Variants in PAPPA observed in about 807,000 individuals in gnomAD.
PAPPA encodes the protein pappalysin 1.
Under a neutral mutation model 164.0 loss-of-function variants are expected in PAPPA, and 60 were observed. That is an observed-to-expected ratio of 0.37 (90% CI 0.30 to 0.45). The LOEUF (loss-of-function observed/expected upper bound fraction) is 0.45, where lower values mean the gene tolerates loss of function less well. PAPPA is among the 20% of genes least tolerant of loss of function. The pLI is 1.00. For missense variants in PAPPA, 1,782 were observed against 2,087.3 expected (o/e 0.85, Z 2.85); for synonymous variants, 875 against 814.1 (o/e 1.07, Z -1.27).
At chr9:116,380,303 T>TGGATGGATGGAC (rs924428033) in intron 20 of PAPPA, among the ~76,000 whole-genome samples, 2 of 151,922 alleles carry the variant, frequency 1.3e-5, no homozygotes, top group East Asian at 3.9e-4. Flanking sequence ...AATGGATGGA[T>TGGATGGATGGAC]GGATGGATGG....
intron 10 of PAPPA, among the ~76,000 whole-genome samples, chr9:116,314,509 C>T (rs781634732): frequency 1.2e-4 from 19 of 152,202 alleles, no homozygotes; most frequent in East Asian, 3.9e-4. Context: ...TCATATTCTC[C>T]GTATTCACAA....
intron 10 of PAPPA, among the ~76,000 whole-genome samples, chr9:116,310,244 T>C (rs1845699690): frequency 6.6e-6 from 1 of 152,074 alleles, no homozygotes; most frequent in South Asian, 2.1e-4. Context: ...TCTCCTCTCA[T>C]TAGTGAAATG....
At chr9:116,209,940 C>A (rs1378297882) in intron 3 of PAPPA, among the ~76,000 whole-genome samples, 2 of 152,164 alleles carry the variant, frequency 1.3e-5, no homozygotes, top group Non-Finnish European at 2.9e-5. Flanking sequence ...CTGCCCTCTC[C>A]CCATCCCAAG....
chr9:116,381,361 T>C (rs745480649), intron 20 of PAPPA, among the ~76,000 whole-genome samples: 6 of 152,188 alleles, frequency 3.9e-5, no homozygotes, highest in Non-Finnish European at 1.5e-5. Context: ...AATGAGGTGA[T>C]TGGGAGTCAA....
intron 21 of PAPPA, among the ~76,000 whole-genome samples, chr9:116,388,237 G>A (rs1391373877): frequency 3.9e-5 from 6 of 152,166 alleles, no homozygotes; most frequent in African/African-American, 1.4e-4. Flanking sequence ...CAGACAGGAA[G>A]GGGCAGGACT....
intron 8 of PAPPA, among the ~76,000 whole-genome samples, chr9:116,269,197 G>T (rs901287863): frequency 6.6e-6 from 1 of 152,124 alleles, no homozygotes; most frequent in African/African-American, 2.4e-5. Context: ...ATGTGAGATA[G>T]GTCTTATTAT....
At chr9:116,289,872 T>C (rs1323441) in intron 9 of PAPPA, among the ~76,000 whole-genome samples, 221 of 152,306 alleles carry the variant, frequency 1.5e-3, no homozygotes, top group African/African-American at 5.0e-3. Context: ...TAAAATAGAC[T>C]AGTGGTATAG....
At chr9:116,293,410 G>C (rs1403579248) in intron 9 of PAPPA, among the ~76,000 whole-genome samples, 3 of 152,220 alleles carry the variant, frequency 2.0e-5, no homozygotes, top group African/African-American at 7.2e-5. Context: ...TAGTGATGCA[G>C]AAAAGTGAGA....
intron 20 of PAPPA, among the ~76,000 whole-genome samples, chr9:116,379,369 T>C (rs908872689): frequency 2.0e-5 from 3 of 152,232 alleles, no homozygotes; most frequent in Admixed American, 2.0e-4. Context: ...GCCCCTGTTT[T>C]CTGCACCATG....
chr9:116,162,869 T>C (rs963462780), intron 1 of PAPPA, among the ~76,000 whole-genome samples: 1 of 152,242 alleles, frequency 6.6e-6, no homozygotes, highest in African/African-American at 2.4e-5. Context: ...GAAAGAGTTA[T>C]TGCTGTCATC....
chr9:116,243,734 T>G (rs1447632764), intron 7 of PAPPA, among the ~76,000 whole-genome samples: 34 of 152,168 alleles, frequency 2.2e-4, no homozygotes. Flanking sequence ...TTTTATTGTT[T>G]TTTTGAACAT....
chr9:116,243,003 G>T (rs910902184), intron 7 of PAPPA, among the ~76,000 whole-genome samples: 2 of 152,050 alleles, frequency 1.3e-5, no homozygotes, highest in Admixed American at 6.6e-5. Context: ...TCCTTAAGAT[G>T]GGCCTCATCT....
intron 19 of PAPPA, among the ~76,000 whole-genome samples, chr9:116,371,349 G>A (rs528968208): frequency 7.9e-5 from 12 of 152,256 alleles, no homozygotes; most frequent in Admixed American, 5.2e-4. Context: ...CCCAGGAGGC[G>A]GAGGTTGCAG....
At chr9:116,170,632 C>G (rs1316128676) in intron 1 of PAPPA, among the ~76,000 whole-genome samples, 1 of 144,618 alleles carries the variant, frequency 6.9e-6, no homozygotes, top group Non-Finnish European at 1.5e-5. Flanking sequence ...TCCCCCCACT[C>G]CCTCCCTCTC....
intron 10 of PAPPA, among the ~76,000 whole-genome samples, chr9:116,315,807 G>T (rs993502772): frequency 2.0e-5 from 3 of 151,956 alleles, no homozygotes; most frequent in African/African-American, 7.3e-5. Flanking sequence ...GAAAAAGGAA[G>T]GACTACACAA....
In PAPPA at chr9:116,164,271, C is replaced by T. The variant is rs192086861; in HGVS notation, c.415+9684C>T. Among the ~76,000 whole-genome samples, 4 of 152,328 alleles carry T rather than the reference C, an allele frequency of 2.6e-5. No individual in the cohort carries two copies. In the East Asian group the frequency reaches 7.7e-4, roughly 29 times the overall value. On this transcript the variant is annotated intron_variant, in intron 1 of 21. Transcript: ENST00000328252. ...TGAAGTATATCCAGCTTCCTCTCAA[C>T]TCCCTCCTTCTTCTCTCTCTTCCTA... is the stretch of plus-strand genomic sequence containing the variant.
intron 10 of PAPPA, among the ~76,000 whole-genome samples, chr9:116,326,750 C>T (rs903855807): frequency 1.3e-5 from 2 of 152,188 alleles, no homozygotes; most frequent in Non-Finnish European, 1.5e-5. Flanking sequence ...TTCCCTTCCC[C>T]ATCCCCTAGC....
At position 116,401,229 on chromosome 9, in the gene PAPPA, A is replaced by ACG. The variant is rs1847048530; in HGVS notation, c.*4613_*4614insCG. 6.6e-6 allele frequency: 1 copy of ACG among 152,602 alleles called. No homozygotes were observed. Among genetic ancestry groups the ACG allele is most frequent in the African/African-American group, 2.4e-5 (1 of 41,452 alleles). 9.5% of individuals were successfully genotyped at this position (152,602 alleles called of 1,614,324 possible). A position where few individuals can be genotyped will look rare whatever the true frequency, so the allele number is the denominator to read the frequency against. On this transcript the variant is annotated 3_prime_UTR_variant, in exon 22 of 22. Transcript: ENST00000328252. ...TCTATAATTTGGTTAAAAGCTGATT[A>ACG]TGTCCTACAATGTCAAAGTCAGCTA...
chr9:116,223,121 G>C (rs1844465564), intron 5 of PAPPA, among the ~76,000 whole-genome samples: 1 of 152,184 alleles, frequency 6.6e-6, no homozygotes, highest in Non-Finnish European at 1.5e-5. Context: ...ATCAGGGAAG[G>C]AAATGCACTT....
Sources: gnomAD v4.1 joint callset for allele counts (sites outside exome capture counted in the v4.1 genomes callset) on GRCh38, gnomAD v4.1.1 for gene constraint, MANE v1.5 for transcripts, NCBI Gene and HGNC (gene_info 2026-07-23, HGNC 2026-07-21) for gene names.